Variants in PRKN observed in about 807,000 individuals in gnomAD.
The protein encoded by PRKN is parkin RBR E3 ubiquitin protein ligase.
In PRKN, 56 loss-of-function variants were observed where a neutral mutation model predicts 59.5. The observed-to-expected ratio is 0.94, with a 90% CI of 0.76 to 1.18. The LOEUF (loss-of-function observed/expected upper bound fraction) is 1.18, where lower values mean the gene tolerates loss of function less well. Among genes scored for constraint, PRKN ranks in the 50% most tolerant of loss-of-function variants. The probability of loss-of-function intolerance (pLI) is 0.00; values close to 1 mark genes in which losing one functional copy is unlikely to be tolerated. For synonymous variants in PRKN, 250 were observed against 222.1 expected, an observed-to-expected ratio of 1.13 and a Z score of -1.12; for missense variants, 657 against 596.4, an observed-to-expected ratio of 1.10 and a Z score of -1.06.
At position 162,419,778 on chromosome 6, in the gene PRKN, A is replaced by AGACAGG. The variant is rs60810420; in HGVS notation, c.171+23526_171+23531dup. On this transcript the variant is annotated intron_variant, in intron 2 of 11. Transcript: ENST00000366898. ...GACACAGAGATAGAGACAGAGCCAG[A>AGACAGG]GACAGGGACAGGGACAGGGACAGGG... Among the ~76,000 whole-genome samples the AGACAGG allele has an allele frequency of 1.9e-4, 28 of 151,044 alleles. No individual in the cohort carries two copies. In the East Asian group the frequency reaches 3.4e-3, roughly 18 times the overall value.
intron 6 of PRKN, among the ~76,000 whole-genome samples, chr6:161,946,093 C>T (rs1485249417): frequency 6.6e-6 from 1 of 151,750 alleles, no homozygotes; most frequent in African/African-American, 2.4e-5. Context: ...GAGTAGAAAC[C>T]GTAGAATGAG....
At position 161,691,933 on chromosome 6, in the gene PRKN, A is replaced by G. The variant is rs9346877; in HGVS notation, c.871+93839T>C. Among the ~76,000 whole-genome samples, 14 of 152,240 alleles carry G rather than the reference A, an allele frequency of 9.2e-5. No homozygotes were observed. In the South Asian group the frequency reaches 2.9e-3, roughly 32 times the overall value. On this transcript the variant is annotated intron_variant, in intron 7 of 11. Transcript: ENST00000366898. ...GAGTGGGCAAACAGCAAAGACAGAA[A>G]CTGTGATGACACTGTCATCACACAC...
intron 1 of PRKN, among the ~76,000 whole-genome samples, chr6:162,712,287 A>T (rs1298363059): frequency 6.6e-6 from 1 of 152,072 alleles, no homozygotes; most frequent in African/African-American, 2.4e-5. Flanking sequence ...CATTGTCCTG[A>T]CTGCTCTTTT....
In PRKN at chr6:161,498,490, A is replaced by C. The variant is rs954751124; in HGVS notation, c.1083+50364T>G. On this transcript the variant is annotated intron_variant, in intron 9 of 11. Transcript: ENST00000366898. The surrounding 1 kb of genome is among the most constrained non-coding windows in gnomAD (Gnocchi z 4.2). ...TCCCTTCTCCCTGAGAGCTTGTGGG[A>C]AGGGTGTGCTGTCCTAACCCAGTTA... Among the ~76,000 whole-genome samples, 2 of 152,140 alleles carry C rather than the reference A, an allele frequency of 1.3e-5. No homozygotes were observed. Among genetic ancestry groups the C allele is most frequent in the East Asian group, 3.9e-4 (2 of 5,192 alleles).
intron 4 of PRKN, among the ~76,000 whole-genome samples, chr6:162,071,931 C>G (rs1353171658): frequency 6.6e-6 from 1 of 152,106 alleles, no homozygotes; most frequent in Admixed American, 6.5e-5. Flanking sequence ...CTCAAAGACA[C>G]TCTTCATTTC....
At chr6:162,422,910 C>T (rs543604064) in intron 2 of PRKN, among the ~76,000 whole-genome samples, 148 of 140,396 alleles carry the variant, frequency 1.1e-3, no homozygotes, top group African/African-American at 3.7e-3. Flanking sequence ...CGCGCCACTG[C>T]GCTCCAGCCT....
At chr6:162,000,292 T>C (rs1220731911) in intron 5 of PRKN, among the ~76,000 whole-genome samples, 1 of 152,132 alleles carries the variant, frequency 6.6e-6, no homozygotes, top group Non-Finnish European at 1.5e-5. Context: ...TTGATTCCCA[T>C]ACTCCCCAGC....
intron 6 of PRKN, among the ~76,000 whole-genome samples, chr6:161,873,886 A>ATTATAT (rs1794449780): frequency 2.4e-5 from 3 of 125,978 alleles, no homozygotes; most frequent in African/African-American, 1.1e-4. Flanking sequence ...ATATATAAAT[A>ATTATAT]AAAATTATAT....
At position 161,457,084 on chromosome 6, in the gene PRKN, C is replaced by A. The variant is rs1352492549; in HGVS notation, c.1084-70207G>T. ...CCTCCTTTAACAAATATCCACTGAG[C>A]GTCTTCGCTACGCAAGGCTCTCTTC... On this transcript the variant is annotated intron_variant, in intron 9 of 11. Coordinates refer to ENST00000366898, the MANE Select transcript of PRKN (RefSeq NM_004562.3). This position sits in a 1 kb window ranked among gnomAD's most constrained non-coding sequence, Gnocchi z 5.0. Among the ~76,000 whole-genome samples, 3 of 152,224 alleles carry A rather than the reference C, an allele frequency of 2.0e-5. No homozygotes were observed. Among genetic ancestry groups the A allele is most frequent in the African/African-American group, 4.8e-5 (2 of 41,458 alleles).
intron 1 of PRKN, among the ~76,000 whole-genome samples, chr6:162,603,170 A>G (rs776044739): frequency 6.6e-6 from 1 of 152,192 alleles, no homozygotes; most frequent in Non-Finnish European, 1.5e-5. Flanking sequence ...TGAGTGACAG[A>G]TTTCTCAGTT....
At chr6:162,295,473 C>A (rs1193973738) in intron 2 of PRKN, among the ~76,000 whole-genome samples, 2 of 152,164 alleles carry the variant, frequency 1.3e-5, no homozygotes, top group African/African-American at 4.8e-5. Context: ...CACAGCATCC[C>A]TCGCCAGCTG....
rs144794734 is a variant in PRKN, at chr6:162,039,017, G to A, written c.618+15074C>T. Among the ~76,000 whole-genome samples, 207 of 152,210 alleles carry A rather than the reference G, an allele frequency of 1.4e-3. No individual in the cohort carries two copies. In the East Asian group the frequency reaches 0.025, roughly 19 times the overall value. On this transcript the variant is annotated intron_variant, in intron 5 of 11. Coordinates refer to ENST00000366898, the MANE Select transcript of PRKN (RefSeq NM_004562.3). ...AAAAAATACAAAAAATGAGCCAGGC[G>A]TGGTGGCGGACGCCTGTAGTCCCAG... is the stretch of plus-strand genomic sequence containing the variant.
rs768890758 is a variant in PRKN, at chr6:161,743,213, C to CTTTTTTTTTTTTTTT, written c.871+42544_871+42558dup. 1.8e-4 allele frequency among the ~76,000 whole-genome samples: 15 copies of CTTTTTTTTTTTTTTT among 84,572 alleles called. 1 individual carries two copies. Among genetic ancestry groups the CTTTTTTTTTTTTTTT allele is most frequent in the Non-Finnish European group, 3.1e-4 (14 of 45,736 alleles). 55.5% of individuals were successfully genotyped at this position (84,572 alleles called of 152,430 possible). ...CTTGCCTGTCTATACTGGTTTCTAC[C>CTTTTTTTTTTTTTTT]TTTTTTTTTTTTTTTTTTTTTTTTT... On this transcript the variant is annotated intron_variant, in intron 7 of 11. Coordinates refer to ENST00000366898, the MANE Select transcript of PRKN (RefSeq NM_004562.3).
intron 6 of PRKN, among the ~76,000 whole-genome samples, chr6:161,791,878 G>A (rs909647353): frequency 4.6e-5 from 7 of 152,214 alleles, no homozygotes; most frequent in Non-Finnish European, 1.0e-4. Flanking sequence ...CATGCAATAG[G>A]AAAAGTGCAG....
At position 161,397,832 on chromosome 6, in the gene PRKN, G is replaced by A. The variant is rs1283665572; in HGVS notation, c.1084-10955C>T. On this transcript the variant is annotated intron_variant, in intron 9 of 11. Transcript: ENST00000366898. The surrounding 1 kb of genome is among the most constrained non-coding windows in gnomAD (Gnocchi z 4.2). ...AGGAATAACTAAGACTTTCTGCCAG[G>A]GAAAGTACTTTAGTGACCTCGGAGG... 6.6e-6 allele frequency among the ~76,000 whole-genome samples: 1 copy of A among 152,092 alleles called. No homozygotes were observed. Among genetic ancestry groups the A allele is most frequent in the Non-Finnish European group, 1.5e-5 (1 of 68,036 alleles).
chr6:162,283,865 T>C (rs924452493), intron 2 of PRKN, among the ~76,000 whole-genome samples: 1 of 152,204 alleles, frequency 6.6e-6, no homozygotes, highest in African/African-American at 2.4e-5. Flanking sequence ...TTAAGCTCAG[T>C]GTCCTCTATC....
intron 6 of PRKN, among the ~76,000 whole-genome samples, chr6:161,904,446 G>A (rs1425405277): frequency 3.3e-5 from 5 of 150,726 alleles, no homozygotes; most frequent in African/African-American, 1.2e-4. Context: ...CTCCCGAGTA[G>A]CTGGGACCAC....
At chr6:161,553,133 G>A (rs906583016) in intron 8 of PRKN, among the ~76,000 whole-genome samples, 1 of 152,096 alleles carries the variant, frequency 6.6e-6, no homozygotes, top group Admixed American at 6.5e-5. Flanking sequence ...TTTTGAAGAT[G>A]TGTTGTTTAG....
chr6:161,759,898 A>C (rs559606068), intron 7 of PRKN, among the ~76,000 whole-genome samples: 2 of 152,272 alleles, frequency 1.3e-5, no homozygotes, highest in South Asian at 2.1e-4. Context: ...TGACATACTG[A>C]TAGCTCACTG....
Sources: gnomAD v4.1 joint callset for allele counts (sites outside exome capture counted in the v4.1 genomes callset) on GRCh38, gnomAD v4.1.1 for gene constraint, Gnocchi (gnomAD v3.1) non-coding constraint, MANE v1.5 for transcripts, NCBI Gene and HGNC (gene_info 2026-07-23, HGNC 2026-07-21) for gene names.